Variants in PDE10A observed in about 807,000 individuals in gnomAD.
PDE10A encodes cAMP and cAMP-inhibited cGMP 3',5'-cyclic phosphodiesterase 10A.
Under a neutral mutation model 97.7 loss-of-function variants are expected in PDE10A, and 39 were observed. That is an observed-to-expected ratio of 0.40 (90% CI 0.31 to 0.52). The LOEUF is 0.52. PDE10A is among the 20% of genes least tolerant of loss of function. The probability of loss-of-function intolerance (pLI) is 0.56; values close to 1 mark genes in which losing one functional copy is unlikely to be tolerated. For synonymous variants in PDE10A, 371 were observed against 376.8 expected, an observed-to-expected ratio of 0.98 and a Z score of 0.18; for missense variants, 731 against 1,047.8, an observed-to-expected ratio of 0.70 and a Z score of 4.17.
intron 6 of PDE10A, among the ~76,000 whole-genome samples, chr6:165,434,138 T>C (rs1789826182): frequency 6.6e-6 from 1 of 152,086 alleles, no homozygotes; most frequent in South Asian, 2.1e-4. Flanking sequence ...GAATTAGAAC[T>C]TCATGAAATA....
At chr6:165,666,802 G>T (rs76992822), upstream of PDE10A, among the ~76,000 whole-genome samples, 4,514 of 152,240 alleles carry the variant, frequency 0.03, 196 homozygotes, top group African/African-American at 0.1. Flanking sequence ...GTTGGGGTAA[G>T]TCTCTTGTTA....
intron 1 of PDE10A, among the ~76,000 whole-genome samples, chr6:165,960,802 G>A (rs1211618053): frequency 4.6e-5 from 7 of 152,174 alleles, no homozygotes; most frequent in African/African-American, 1.4e-4. Context: ...CAGGGAGCGG[G>A]GTGGGAAGAC....
chr6:165,698,154 C>T (rs1488268908), intron 1 of PDE10A, among the ~76,000 whole-genome samples: 2 of 152,142 alleles, frequency 1.3e-5, no homozygotes, highest in East Asian at 3.8e-4. Context: ...CTATAAACAT[C>T]TCCCATAAAC....
At chr6:165,437,049 G>A (rs1001780570) in intron 5 of PDE10A, among the ~76,000 whole-genome samples, 8 of 152,184 alleles carry the variant, frequency 5.3e-5, no homozygotes, top group Non-Finnish European at 1.0e-4. Context: ...AGACGGAACT[G>A]CAGGAAGTGA....
chr6:165,369,263 A>C (rs1784040447), intron 18 of PDE10A, among the ~76,000 whole-genome samples: 1 of 152,166 alleles, frequency 6.6e-6, no homozygotes, highest in African/African-American at 2.4e-5. Flanking sequence ...AGAAGGCTTC[A>C]GACGATCAAA....
At chr6:165,838,292 G>A (rs528867074) in intron 1 of PDE10A, among the ~76,000 whole-genome samples, 3 of 152,268 alleles carry the variant, frequency 2.0e-5, no homozygotes, top group South Asian at 2.1e-4. Context: ...AAGTGAAGCC[G>A]GGAAATAATA....
intron 1 of PDE10A, among the ~76,000 whole-genome samples, chr6:165,567,352 A>T (rs1170670170): frequency 6.6e-6 from 1 of 152,222 alleles, no homozygotes; most frequent in Non-Finnish European, 1.5e-5. Context: ...GGAAGCTAAG[A>T]TTCACAGGTA....
intron 1 of PDE10A, among the ~76,000 whole-genome samples, chr6:165,686,418 T>C (rs1791119745): frequency 6.6e-6 from 1 of 152,236 alleles, no homozygotes; most frequent in Non-Finnish European, 1.5e-5. Context: ...TGTTGTTGGA[T>C]GTCTCTTTTA....
intron 21 of PDE10A, among the ~76,000 whole-genome samples, chr6:165,333,469 C>T (rs773250027): frequency 1.5e-4 from 23 of 152,078 alleles, no homozygotes; most frequent in Admixed American, 1.3e-3. Flanking sequence ...TACGCGGGAT[C>T]GTGCAAAGGA....
rs1257666963 is a variant in PDE10A, at chr6:165,661,869, A to G, written c.865+78T>C. 6.6e-5 allele frequency: 46 copies of G among 693,110 alleles called. No homozygotes were observed. Among genetic ancestry groups the G allele is most frequent in the South Asian group, 4.5e-4 (28 of 61,750 alleles). 42.9% of individuals were successfully genotyped at this position (693,110 alleles called of 1,614,324 possible). On this transcript the variant is annotated intron_variant, in intron 1 of 21. Coordinates refer to ENST00000539869, the MANE Select transcript of PDE10A (RefSeq NM_001385079.1). The surrounding 1 kb of genome is among the most constrained non-coding windows in gnomAD (Gnocchi z 4.8). ...CTCGCTCGACACCCGCTTCCCACCC[A>G]GCAGTCCAAGCCCCCCACCTGCCCC...
intron 1 of PDE10A, among the ~76,000 whole-genome samples, chr6:165,569,770 A>T (rs1366964796): frequency 6.6e-6 from 1 of 152,212 alleles, no homozygotes; most frequent in East Asian, 1.9e-4. Context: ...CTGTGTAGGC[A>T]CTATCAATAA....
intron 2 of PDE10A, among the ~76,000 whole-genome samples, chr6:165,495,759 C>G (rs547553008): frequency 1.4e-4 from 21 of 152,262 alleles, no homozygotes; most frequent in African/African-American, 5.1e-4. Context: ...TCACTAGACT[C>G]TCAAATATGT....
chr6:165,440,813 A>C (rs73033838), intron 5 of PDE10A, among the ~76,000 whole-genome samples: 2,261 of 152,210 alleles, frequency 0.015, 23 homozygotes, highest in Non-Finnish European at 0.024. Context: ...CTATATATAT[A>C]TATACAATAA....
At chr6:165,943,032 T>C (rs1466045446) in intron 1 of PDE10A, among the ~76,000 whole-genome samples, 1 of 150,746 alleles carries the variant, frequency 6.6e-6, no homozygotes, top group African/African-American at 2.5e-5. Context: ...CACCCACCCA[T>C]AGGATTTTAG....
At chr6:165,887,207 C>T (rs1781653405) in intron 1 of PDE10A, among the ~76,000 whole-genome samples, 1 of 152,154 alleles carries the variant, frequency 6.6e-6, no homozygotes, top group Non-Finnish European at 1.5e-5. Context: ...AAGGAGCCTA[C>T]AATCCCACCC....
chr6:165,801,347 C>T (rs1027321260), intron 1 of PDE10A, among the ~76,000 whole-genome samples: 3 of 152,162 alleles, frequency 2.0e-5, no homozygotes, highest in Non-Finnish European at 1.5e-5. Context: ...GAGTTTGAGA[C>T]CAGCCTGCCC....
At chr6:165,791,410 A>G (rs904883398) in intron 1 of PDE10A, among the ~76,000 whole-genome samples, 1 of 152,040 alleles carries the variant, frequency 6.6e-6, no homozygotes, top group African/African-American at 2.4e-5. Flanking sequence ...ATATGCCACA[A>G]TTTCTTTATC....
At chr6:165,875,357 T>C (rs1781303715) in intron 1 of PDE10A, among the ~76,000 whole-genome samples, 1 of 152,198 alleles carries the variant, frequency 6.6e-6, no homozygotes, top group East Asian at 1.9e-4. Flanking sequence ...TACTTGGTCA[T>C]CTTCATGACC....
rs555376550 is a variant in PDE10A at position 165,720,528 on chromosome 6, C to G, written c.-614-176960G>C. Among the ~76,000 whole-genome samples, 5 of 152,300 alleles carry G rather than the reference C, an allele frequency of 3.3e-5. No homozygotes were observed. In the South Asian group the frequency reaches 1.0e-3, roughly 32 times the overall value. On this transcript the variant is annotated intron_variant, in intron 1 of 19. Coordinates refer to the PDE10A transcript ENST00000366882. Reference sequence around the variant, plus strand: ...AAGAATAAAAAATCAGAAAGAAAAACCTGTCTGAAATTCTCCTAAGATCAA... The same window carrying G: ...AAGAATAAAAAATCAGAAAGAAAAAGCTGTCTGAAATTCTCCTAAGATCAA...
Sources: gnomAD v4.1 joint callset for allele counts (sites outside exome capture counted in the v4.1 genomes callset) on GRCh38, gnomAD v4.1.1 for gene constraint, Gnocchi (gnomAD v3.1) non-coding constraint, MANE v1.5 for transcripts, NCBI Gene and HGNC (gene_info 2026-07-23, HGNC 2026-07-21) for gene names.